Variants in EFCAB7 observed in about 807,000 individuals in gnomAD.
EFCAB7 encodes EF-hand calcium-binding domain-containing protein 7.
Under a neutral mutation model 77.1 loss-of-function variants are expected in EFCAB7, and 66 were observed. The observed-to-expected ratio is 0.86, with a 90% CI of 0.70 to 1.05. The LOEUF is 1.05. Ranked by LOEUF, EFCAB7 falls within the 50% of genes least tolerant of loss-of-function variation. The pLI, the probability that EFCAB7 is intolerant of heterozygous loss-of-function variation, is 0.00. For missense variants in EFCAB7, 638 were observed against 730.5 expected, an observed-to-expected ratio of 0.87 and a Z score of 1.46; for synonymous variants, 225 against 243.3, an observed-to-expected ratio of 0.92 and a Z score of 0.70.
chr1:63,534,545 A>G (rs1369128009), intron 6 of EFCAB7, among the ~76,000 whole-genome samples: 1 of 152,152 alleles, frequency 6.6e-6, no homozygotes, highest in African/African-American at 2.4e-5. Flanking sequence ...CATTCATTCA[A>G]TTTCAATTCC....
chr1:63,555,477 A>C lies in EFCAB7; in HGVS notation c.1176A>C (p.Arg392Ser), dbSNP rs375866613. 1.4e-5 allele frequency: 22 copies of C among 1,613,276 alleles called. No individual in the cohort carries two copies. Among genetic ancestry groups the C allele is most frequent in the Non-Finnish European group, 1.5e-5 (18 of 1,179,680 alleles). ...CAGATGAAGCCCAACTTGTATATAGAGATGAAACAGGGGAATTATTCCTTA... is the reference window on the plus strand; with the variant it reads ...CAGATGAAGCCCAACTTGTATATAGCGATGAAACAGGGGAATTATTCCTTA... ...PVTDEAQLVY[R>S]DETGELFLTK... Residue 392 changes from arginine to serine, a missense_variant, in exon 9 of 14, where the codon AGA becomes AGC. By Grantham distance (110) the Arg-to-Ser change is moderately radical (BLOSUM62 -1). Coordinates refer to ENST00000371088, the MANE Select transcript of EFCAB7 (RefSeq NM_032437.4).
In EFCAB7 at chr1:63,551,284, C is replaced by T. The variant is rs571441914; in HGVS notation, c.947-441C>T. On this transcript the variant is annotated intron_variant, in intron 7 of 13. Coordinates refer to ENST00000371088, the MANE Select transcript of EFCAB7 (RefSeq NM_032437.4). ...GTTTGTGCCTTATTGCAAATGCTAT[C>T]ATGTTTACACATAAAAATGGAATAT... is the stretch of plus-strand genomic sequence containing the variant. 2.0e-5 allele frequency among the ~76,000 whole-genome samples: 3 copies of T among 152,312 alleles called. No individual in the cohort carries two copies. The East Asian group carries it at 5.8e-4, about 29-fold the overall frequency.
intron 7 of EFCAB7, chr1:63,547,757 G>A (rs217487): frequency 0.35 from 53,295 of 151,932 alleles, 9,513 homozygotes; most frequent in East Asian, 0.48. Flanking sequence ...ATCTTGGCTG[G>A]GTTCTTTCTT....
chr1:63,567,541 T>TG (rs1208534149), intron 11 of EFCAB7, among the ~76,000 whole-genome samples: 1 of 151,892 alleles, frequency 6.6e-6, no homozygotes, highest in Admixed American at 6.6e-5. Flanking sequence ...TGAGGGAGAT[T>TG]GGGGGGCCAG....
intron 8 of EFCAB7, among the ~76,000 whole-genome samples, chr1:63,553,876 T>A (rs1198958476): frequency 6.6e-6 from 1 of 151,798 alleles, no homozygotes; most frequent in Admixed American, 6.6e-5. Flanking sequence ...GGTCTCACTC[T>A]GCTGCCCAGG....
At chr1:63,574,665 C>A (rs1647360170), downstream of EFCAB7, among the ~76,000 whole-genome samples, 1 of 152,144 alleles carries the variant, frequency 6.6e-6, no homozygotes, top group African/African-American at 2.4e-5. Context: ...TGAATGACTC[C>A]AGCTTCCTTT....
chr1:63,535,274 A>T (rs1646749941), intron 6 of EFCAB7, among the ~76,000 whole-genome samples: 1 of 152,122 alleles, frequency 6.6e-6, no homozygotes, highest in Non-Finnish European at 1.5e-5. Flanking sequence ...TTTAAAATTT[A>T]GTTCAATTCA....
At chr1:63,571,715 T>C (rs1647266031) in intron 13 of EFCAB7, among the ~76,000 whole-genome samples, 1 of 150,844 alleles carries the variant, frequency 6.6e-6, no homozygotes, top group Non-Finnish European at 1.5e-5. Flanking sequence ...ACTAGTTTTA[T>C]GTACTTCACA....
the EFCAB7 span, among the ~76,000 whole-genome samples, chr1:63,583,280 C>T: frequency 1.3e-5 from 2 of 152,072 alleles, no homozygotes; most frequent in Non-Finnish European, 2.9e-5. Context: ...AGGTGCTAAA[C>T]TCTCCCCCTT....
At chr1:63,579,532 A>G in the EFCAB7 span, among the ~76,000 whole-genome samples, 94 of 152,326 alleles carry the variant, frequency 6.2e-4, 1 homozygote, top group African/African-American at 2.0e-3. Context: ...TTACATGAAC[A>G]TAAGTTTTTA....
intron 3 of EFCAB7, 69 bp downstream of exon 3, chr1:63,532,100 C>A: frequency 9.1e-7 from 1 of 1,101,636 alleles, no homozygotes; most frequent in Non-Finnish European, 1.3e-6. Flanking sequence ...GCTTTGACTA[C>A]CAAAGTCCAC....
chr1:63,543,410 T>A (rs560609478), intron 6 of EFCAB7, among the ~76,000 whole-genome samples: 9 of 152,198 alleles, frequency 5.9e-5, no homozygotes, highest in Non-Finnish European at 1.0e-4. Flanking sequence ...CAGCAAAATA[T>A]TTTGGATATA....
In EFCAB7 at chr1:63,551,706, C is replaced by G; in HGVS notation, c.947-19C>G. 2 of 1,190,672 alleles carry G rather than the reference C, an allele frequency of 1.7e-6. No homozygotes were observed. Among genetic ancestry groups the G allele is most frequent in the Non-Finnish European group, 1.1e-6 (1 of 877,642 alleles). 73.8% of individuals were successfully genotyped at this position (1,190,672 alleles called of 1,614,324 possible). A position where few individuals can be genotyped will look rare whatever the true frequency, so the allele number is the denominator to read the frequency against. On this transcript the variant is annotated intron_variant, in intron 7 of 13. Coordinates refer to ENST00000371088, the MANE Select transcript of EFCAB7 (RefSeq NM_032437.4). ...GATTGCTTATTTTAAGGTGTTTGGG[C>G]TTTTTTTTTTGTTTGTAGGAAAACC...
chr1:63,545,623 C>T (rs1229805551), intron 6 of EFCAB7, among the ~76,000 whole-genome samples: 2 of 152,046 alleles, frequency 1.3e-5, no homozygotes, highest in African/African-American at 2.4e-5. Context: ...TGTGCCACCA[C>T]GCCCGGCTAA....
intron 4 of EFCAB7, 35 bp downstream of exon 4, chr1:63,532,791 T>C: frequency 1.3e-6 from 2 of 1,528,458 alleles, no homozygotes; most frequent in East Asian, 2.3e-5. Flanking sequence ...ATTTACATAC[T>C]GTGTTGGAAA....
At chr1:63,563,041 G>C (rs917937658) in intron 11 of EFCAB7, among the ~76,000 whole-genome samples, 1 of 152,046 alleles carries the variant, frequency 6.6e-6, no homozygotes. Context: ...TATCCTACTT[G>C]AGCCTAACAG....
At chr1:63,568,719 A>AT in intron 12 of EFCAB7, 200 bp downstream of exon 12, 1 of 439,468 alleles carries the variant, frequency 2.3e-6, no homozygotes, top group Non-Finnish European at 4.0e-6. Flanking sequence ...AAGGTTTCCA[A>AT]TTTTTTCTCT....
chr1:63,561,739 CAA>C lies in EFCAB7; in HGVS notation c.1380_1381del (p.Arg461ThrfsTer12). On this transcript the variant is annotated frameshift_variant, in exon 11 of 14. Transcript: ENST00000371088. LOFTEE classifies it high-confidence loss of function. The stretch of plus-strand genomic sequence containing the variant: ...TTTGATACAAAGAGGAATGAACTAA[CAA>C]GACAAGGATTTATGGATTTGAATCT... 1 of 1,601,802 alleles carries C rather than the reference CAA, an allele frequency of 6.2e-7. No individual in the cohort carries two copies. The highest frequency in any genetic ancestry group is 1.7e-5 in the Admixed American group (1 of 58,724).
intron 1 of EFCAB7, among the ~76,000 whole-genome samples, chr1:63,523,996 C>G (rs1646530046): frequency 6.6e-6 from 1 of 152,022 alleles, no homozygotes; most frequent in African/African-American, 2.4e-5. Context: ...GTCTCAGTCT[C>G]GGGCCGGAGT....
Sources: gnomAD v4.1 joint callset for allele counts (sites outside exome capture counted in the v4.1 genomes callset) on GRCh38, gnomAD v4.1.1 for gene constraint, MANE v1.5 for transcripts, NCBI Gene and HGNC (gene_info 2026-07-23, HGNC 2026-07-21) for gene names.